CAMK2N2: variants seen among roughly 807,000 people sequenced by gnomAD.
CAMK2N2 encodes the protein calcium/calmodulin-dependent protein kinase II inhibitor 2.
Under a neutral mutation model 7.8 loss-of-function variants are expected in CAMK2N2, and 3 were observed. The ratio of observed to expected loss-of-function variants is 0.38; its 90% CI spans 0.18 to 0.99. The LOEUF is 0.99. Ranked by LOEUF, CAMK2N2 falls within the 50% of genes least tolerant of loss-of-function variation. CAMK2N2 has a pLI of 0.37. For synonymous variants in CAMK2N2, 45 were observed against 46.6 expected (o/e 0.97, Z 0.14); for missense variants, 85 against 108.4 (o/e 0.78, Z 0.96).
chr3:184,260,073 G>A lies in CAMK2N2; in HGVS notation c.*84C>T. ...CCCGCGGGCGCCTGGGCCGGGGCGG[G>A]GGGGCGCCGGCAGCCGCATCGCCGG... On this transcript the variant is annotated 3_prime_UTR_variant, in exon 2 of 2. Transcript: ENST00000296238. This position sits in a 1 kb window ranked among gnomAD's most constrained non-coding sequence, Gnocchi z 6.6. 2.6e-6 allele frequency: 2 copies of A among 774,342 alleles called. No homozygotes were observed. The highest frequency in any genetic ancestry group is 3.1e-6 in the Non-Finnish European group (2 of 638,672). 48.0% of individuals were successfully genotyped at this position (774,342 alleles called of 1,614,324 possible). A position where few individuals can be genotyped will look rare whatever the true frequency, so the allele number is the denominator to read the frequency against.
In CAMK2N2 at chr3:184,259,830, G is replaced by T. The variant is rs1719969688; in HGVS notation, c.*327C>A. Reference sequence around the variant, plus strand: ...CTGGCCGGAGGGGGGCGGGGCAGGGGAGCCGTGCGGGAGGGGGCGGGCCGG... The same window carrying T: ...CTGGCCGGAGGGGGGCGGGGCAGGGTAGCCGTGCGGGAGGGGGCGGGCCGG... On this transcript the variant is annotated 3_prime_UTR_variant, in exon 2 of 2. Transcript: ENST00000296238. The T allele has an allele frequency of 6.8e-6, 1 of 147,656 alleles. No individual in the cohort carries two copies. The highest frequency in any genetic ancestry group is 6.7e-5 in the Admixed American group (1 of 14,990). 9.1% of individuals were successfully genotyped at this position (147,656 alleles called of 1,614,324 possible).
chr3:184,261,042 C>T lies in CAMK2N2; in HGVS notation c.169+75G>A. 1 of 1,447,898 alleles carries T rather than the reference C, an allele frequency of 6.9e-7. No homozygotes were observed. 89.7% of individuals were successfully genotyped at this position (1,447,898 alleles called of 1,614,324 possible). A position where few individuals can be genotyped will look rare whatever the true frequency, so the allele number is the denominator to read the frequency against. On this transcript the variant is annotated intron_variant, in intron 1 of 1. Transcript: ENST00000296238. The surrounding 1 kb of genome is among the most constrained non-coding windows in gnomAD (Gnocchi z 5.1). ...TGCGGCAAGAGCTGCGGGCACTCGG[C>T]GGGGAACGGCAGCCGGGGGGCGCCC...
Position 184,261,430 on chromosome 3 carries a change from G to A in CAMK2N2, c.-145C>T, listed in dbSNP as rs1039176258. ...CATCCGGGGCTGAGGAGCCAAGCGG[G>A]GCCTCCTCCCCCGCGCCTCCGCCTC... is the stretch of plus-strand genomic sequence containing the variant. On this transcript the variant is annotated 5_prime_UTR_variant, in exon 1 of 2. Coordinates refer to ENST00000296238, the MANE Select transcript of CAMK2N2 (RefSeq NM_033259.3). This position sits in a 1 kb window ranked among gnomAD's most constrained non-coding sequence, Gnocchi z 5.1. 12 of 585,612 alleles carry A rather than the reference G, an allele frequency of 2.0e-5. No individual in the cohort carries two copies. Among genetic ancestry groups the A allele is most frequent in the Admixed American group, 9.7e-5 (2 of 20,684 alleles). 36.3% of individuals were successfully genotyped at this position (585,612 alleles called of 1,614,324 possible).
At position 184,260,591 on chromosome 3, in the gene CAMK2N2, C is replaced by T. The variant is rs1720008502; in HGVS notation, c.170-364G>A. Reference sequence around the variant, plus strand: ...CAGATCCCCCTGCTCAAATGGGGCTCAAACCGAGTATCCAGCTGGTCCAGC... The same window carrying T: ...CAGATCCCCCTGCTCAAATGGGGCTTAAACCGAGTATCCAGCTGGTCCAGC... On this transcript the variant is annotated intron_variant, in intron 1 of 1. Transcript: ENST00000296238. The surrounding 1 kb of genome is among the most constrained non-coding windows in gnomAD (Gnocchi z 6.6). Among the ~76,000 whole-genome samples the T allele has an allele frequency of 6.6e-6, 1 of 152,178 alleles. No homozygotes were observed. Among genetic ancestry groups the T allele is most frequent in the Non-Finnish European group, 1.5e-5 (1 of 68,034 alleles).
In CAMK2N2 at chr3:184,260,988, C is replaced by G. The variant is rs964294909; in HGVS notation, c.169+129G>C. The G allele has an allele frequency of 3.0e-6, 3 of 1,007,392 alleles. No homozygotes were observed. The highest frequency in any genetic ancestry group is 1.7e-5 in the African/African-American group (1 of 57,508). The allele number at this position is 1,007,392 out of a possible 1,614,324, so 62.4% of individuals were successfully genotyped here. A position where few individuals can be genotyped will look rare whatever the true frequency, so the allele number is the denominator to read the frequency against. ...GCAGCGGGGACCCCCCCCTCCAGCCCGGGCTGGAGAGCGGCTGGTGCGCTG... is the reference window on the plus strand; with the variant it reads ...GCAGCGGGGACCCCCCCCTCCAGCCGGGGCTGGAGAGCGGCTGGTGCGCTG... On this transcript the variant is annotated intron_variant, in intron 1 of 1. Coordinates refer to ENST00000296238, the MANE Select transcript of CAMK2N2 (RefSeq NM_033259.3). This position sits in a 1 kb window ranked among gnomAD's most constrained non-coding sequence, Gnocchi z 6.6.
At position 184,261,420 on chromosome 3, in the gene CAMK2N2, A is replaced by G. The variant is rs1239353392; in HGVS notation, c.-135T>C. On this transcript the variant is annotated 5_prime_UTR_variant, in exon 1 of 2. Coordinates refer to ENST00000296238, the MANE Select transcript of CAMK2N2 (RefSeq NM_033259.3). This position sits in a 1 kb window ranked among gnomAD's most constrained non-coding sequence, Gnocchi z 5.1. ...AGTCATGCAGCATCCGGGGCTGAGG[A>G]GCCAAGCGGGGCCTCCTCCCCCGCG... is the stretch of plus-strand genomic sequence containing the variant. 5.8e-6 allele frequency: 4 copies of G among 687,778 alleles called. No homozygotes were observed. Among genetic ancestry groups the G allele is most frequent in the Non-Finnish European group, 4.0e-6 (2 of 505,502 alleles). 42.6% of individuals were successfully genotyped at this position (687,778 alleles called of 1,614,324 possible).
rs1247221522 is a variant in CAMK2N2, at chr3:184,261,300, G to A, written c.-15C>T. ...ATCTCGGACATGGCGGGCGCGGGGTGGGCGCGGGGCGGGAGCGGGACTGCG... is the reference window on the plus strand; with the variant it reads ...ATCTCGGACATGGCGGGCGCGGGGTAGGCGCGGGGCGGGAGCGGGACTGCG... On this transcript the variant is annotated 5_prime_UTR_variant, in exon 1 of 2. Coordinates refer to ENST00000296238, the MANE Select transcript of CAMK2N2 (RefSeq NM_033259.3). The surrounding 1 kb of genome is among the most constrained non-coding windows in gnomAD (Gnocchi z 5.1). 1.3e-6 allele frequency: 2 copies of A among 1,498,164 alleles called. No individual in the cohort carries two copies. Among genetic ancestry groups the A allele is most frequent in the South Asian group, 1.3e-5 (1 of 78,654 alleles). The allele number at this position is 1,498,164 out of a possible 1,614,324, so 92.8% of individuals were successfully genotyped here.
Position 184,260,733 on chromosome 3 carries a change from C to T in CAMK2N2, c.169+384G>A, listed in dbSNP as rs1399296164. ...AAGCGGACCCCCGGCCTCCTGCCCTCTCTTGTTAGACGTCCCTCTCGACCC... is the reference window on the plus strand; with the variant it reads ...AAGCGGACCCCCGGCCTCCTGCCCTTTCTTGTTAGACGTCCCTCTCGACCC... On this transcript the variant is annotated intron_variant, in intron 1 of 1. Coordinates refer to ENST00000296238, the MANE Select transcript of CAMK2N2 (RefSeq NM_033259.3). This position sits in a 1 kb window ranked among gnomAD's most constrained non-coding sequence, Gnocchi z 6.6. Among the ~76,000 whole-genome samples the T allele has an allele frequency of 2.6e-5, 4 of 152,264 alleles. No individual in the cohort carries two copies. Among genetic ancestry groups the T allele is most frequent in the African/African-American group, 9.6e-5 (4 of 41,468 alleles).
rs939480307 is a variant in CAMK2N2 at position 184,259,558 on chromosome 3, G to C, written c.*599C>G. ...CTGCCAGGCGCAGAAGAGCGTGGCC[G>C]AGACTGAGGGGAGGGCAGGAACCAT... On this transcript the variant is annotated 3_prime_UTR_variant, in exon 2 of 2. Coordinates refer to ENST00000296238, the MANE Select transcript of CAMK2N2 (RefSeq NM_033259.3). The C allele has an allele frequency of 1.3e-5, 2 of 152,804 alleles. No individual in the cohort carries two copies. The highest frequency in any genetic ancestry group is 4.8e-5 in the African/African-American group (2 of 41,444). The allele number at this position is 152,804 out of a possible 1,614,324, so 9.5% of individuals were successfully genotyped here. A position where few individuals can be genotyped will look rare whatever the true frequency, so the allele number is the denominator to read the frequency against.
Position 184,260,105 on chromosome 3 carries a change from C to G in CAMK2N2, c.*52G>C, listed in dbSNP as rs2108453571. On this transcript the variant is annotated 3_prime_UTR_variant, in exon 2 of 2. Transcript: ENST00000296238. This position sits in a 1 kb window ranked among gnomAD's most constrained non-coding sequence, Gnocchi z 6.6. ...CCGGCAGCCGCATCGCCGGCCCGCG[C>G]TCCTGGCCGCTGCGAGGCTGGGCCC... The G allele has an allele frequency of 8.4e-7, 1 of 1,189,484 alleles. No individual in the cohort carries two copies. The highest frequency in any genetic ancestry group is 1.1e-6 in the Non-Finnish European group (1 of 938,606). 73.7% of individuals were successfully genotyped at this position (1,189,484 alleles called of 1,614,324 possible).
Position 184,261,214 on chromosome 3 carries a change from G to A in CAMK2N2, c.72C>T (p.Leu24=). 1.2e-6 allele frequency: 2 copies of A among 1,608,058 alleles called. No individual in the cohort carries two copies. Among genetic ancestry groups the A allele is most frequent in the Non-Finnish European group, 1.7e-6 (2 of 1,177,876 alleles). The change falls in exon 1 of 2, where the codon CTC becomes CTT. Residue 24 remains leucine (L), a synonymous_variant. Transcript: ENST00000296238. The surrounding 1 kb of genome is among the most constrained non-coding windows in gnomAD (Gnocchi z 5.1). ...RFGADPEGSD[L]SFSCRLQDTN... is the part of the protein sequence containing the mutation. ...TGTCCTGCAGGCGGCAGCTGAAGGAGAGGTCGGAGCCCTCGGGGTCTGCGC... is the reference window on the plus strand; with the variant it reads ...TGTCCTGCAGGCGGCAGCTGAAGGAAAGGTCGGAGCCCTCGGGGTCTGCGC...
chr3:184,260,985 G>C lies in CAMK2N2; in HGVS notation c.169+132C>G. 1.4e-5 allele frequency: 13 copies of C among 902,770 alleles called. No homozygotes were observed. The highest frequency in any genetic ancestry group is 6.8e-5 in the East Asian group (2 of 29,278). The allele number at this position is 902,770 out of a possible 1,614,324, so 55.9% of individuals were successfully genotyped here. A position where few individuals can be genotyped will look rare whatever the true frequency, so the allele number is the denominator to read the frequency against. Reference sequence around the variant, plus strand: ...ACTGCAGCGGGGACCCCCCCCTCCAGCCCGGGCTGGAGAGCGGCTGGTGCG... The same window carrying C: ...ACTGCAGCGGGGACCCCCCCCTCCACCCCGGGCTGGAGAGCGGCTGGTGCG... On this transcript the variant is annotated intron_variant, in intron 1 of 1. Coordinates refer to ENST00000296238, the MANE Select transcript of CAMK2N2 (RefSeq NM_033259.3). This position sits in a 1 kb window ranked among gnomAD's most constrained non-coding sequence, Gnocchi z 6.6.
At position 184,259,787 on chromosome 3, in the gene CAMK2N2, C is replaced by T; in HGVS notation, c.*370G>A. Reference sequence around the variant, plus strand: ...GCGCGCGGTCCGACACCGGCGGCCGCCCGGTCTGCAGACCAGACTGGCCGG... The same window carrying T: ...GCGCGCGGTCCGACACCGGCGGCCGTCCGGTCTGCAGACCAGACTGGCCGG... On this transcript the variant is annotated 3_prime_UTR_variant, in exon 2 of 2. Coordinates refer to ENST00000296238, the MANE Select transcript of CAMK2N2 (RefSeq NM_033259.3). The T allele has an allele frequency of 6.7e-6, 1 of 149,538 alleles. No homozygotes were observed. Among genetic ancestry groups the T allele is most frequent in the Non-Finnish European group, 1.5e-5 (1 of 67,136 alleles). 9.3% of individuals were successfully genotyped at this position (149,538 alleles called of 1,614,324 possible). A position where few individuals can be genotyped will look rare whatever the true frequency, so the allele number is the denominator to read the frequency against.
chr3:184,261,032 G>T lies in CAMK2N2; in HGVS notation c.169+85C>A. On this transcript the variant is annotated intron_variant, in intron 1 of 1. Transcript: ENST00000296238. The surrounding 1 kb of genome is among the most constrained non-coding windows in gnomAD (Gnocchi z 5.1). ...TGCGCTGGTCTGCGGCAAGAGCTGC[G>T]GGCACTCGGCGGGGAACGGCAGCCG... The T allele has an allele frequency of 1.4e-6, 2 of 1,398,022 alleles. No homozygotes were observed. Among genetic ancestry groups the T allele is most frequent in the African/African-American group, 3.0e-5 (2 of 66,494 alleles). 86.6% of individuals were successfully genotyped at this position (1,398,022 alleles called of 1,614,324 possible). A position where few individuals can be genotyped will look rare whatever the true frequency, so the allele number is the denominator to read the frequency against.
chr3:184,260,151 G>A lies in CAMK2N2; in HGVS notation c.*6C>T, dbSNP rs746192755. ...GGCCCGGAGCCCGCCGCCCGAGCCG[G>A]CGCGTCTACACTCCGGACGGCGGCT... On this transcript the variant is annotated 3_prime_UTR_variant, in exon 2 of 2. Coordinates refer to ENST00000296238, the MANE Select transcript of CAMK2N2 (RefSeq NM_033259.3). This position sits in a 1 kb window ranked among gnomAD's most constrained non-coding sequence, Gnocchi z 6.6. 5.2e-6 allele frequency: 8 copies of A among 1,543,324 alleles called. No individual in the cohort carries two copies. In the Admixed American group the frequency reaches 1.4e-4, roughly 28 times the overall value.
rs1158898336 is a variant in CAMK2N2 at position 184,260,619 on chromosome 3, T to G, written c.170-392A>C. 1.3e-5 allele frequency among the ~76,000 whole-genome samples: 2 copies of G among 151,618 alleles called. No homozygotes were observed. The highest frequency in any genetic ancestry group is 2.9e-5 in the Non-Finnish European group (2 of 67,930). On this transcript the variant is annotated intron_variant, in intron 1 of 1. Transcript: ENST00000296238. This position sits in a 1 kb window ranked among gnomAD's most constrained non-coding sequence, Gnocchi z 6.6. Reference sequence around the variant, plus strand: ...ACCGAGTATCCAGCTGGTCCAGCCCTCTCCTCAACCTGAGCCCTCTCGCCG... The same window carrying G: ...ACCGAGTATCCAGCTGGTCCAGCCCGCTCCTCAACCTGAGCCCTCTCGCCG...
chr3:184,261,280 G>A lies in CAMK2N2; in HGVS notation c.6C>T (p.Ser2=), dbSNP rs1720037725. Residue 2 remains serine, a synonymous_variant, in exon 1 of 2, where the codon TCC becomes TCT. Coordinates refer to ENST00000296238, the MANE Select transcript of CAMK2N2 (RefSeq NM_033259.3). This position sits in a 1 kb window ranked among gnomAD's most constrained non-coding sequence, Gnocchi z 5.1. ...TGTCTTCGCTGTAGGGCAGGATCTC[G>A]GACATGGCGGGCGCGGGGTGGGCGC... The part of the protein sequence containing the change: M[S]EILPYSEDKM... The A allele has an allele frequency of 6.5e-7, 1 of 1,549,080 alleles. No individual in the cohort carries two copies. Among genetic ancestry groups the A allele is most frequent in the Non-Finnish European group, 8.7e-7 (1 of 1,154,224 alleles).
At position 184,261,542 on chromosome 3, in the gene CAMK2N2, C is replaced by A; in HGVS notation, c.-257G>T. Reference sequence around the variant, plus strand: ...GGGGCGGGGGTGGCGGCGGCGGCGGCAAGAGCGGAATGACGATGAGCGCCC... The same window carrying A: ...GGGGCGGGGGTGGCGGCGGCGGCGGAAAGAGCGGAATGACGATGAGCGCCC... On this transcript the variant is annotated 5_prime_UTR_variant, in exon 1 of 2. Coordinates refer to ENST00000296238, the MANE Select transcript of CAMK2N2 (RefSeq NM_033259.3). This position sits in a 1 kb window ranked among gnomAD's most constrained non-coding sequence, Gnocchi z 5.1. The A allele has an allele frequency of 6.7e-6, 1 of 149,598 alleles. No individual in the cohort carries two copies. The highest frequency in any genetic ancestry group is 1.5e-5 in the Non-Finnish European group (1 of 67,090). 9.3% of individuals were successfully genotyped at this position (149,598 alleles called of 1,614,324 possible).
rs375980913 is a variant in CAMK2N2 at position 184,260,596 on chromosome 3, C to T, written c.170-369G>A. Among the ~76,000 whole-genome samples the T allele has an allele frequency of 1.3e-5, 2 of 152,164 alleles. No homozygotes were observed. Among genetic ancestry groups the T allele is most frequent in the Non-Finnish European group, 2.9e-5 (2 of 68,026 alleles). On this transcript the variant is annotated intron_variant, in intron 1 of 1. Transcript: ENST00000296238. The surrounding 1 kb of genome is among the most constrained non-coding windows in gnomAD (Gnocchi z 6.6). ...CCCCCTGCTCAAATGGGGCTCAAAC[C>T]GAGTATCCAGCTGGTCCAGCCCTCT... is the stretch of plus-strand genomic sequence containing the variant.
Sources: gnomAD v4.1 joint callset for allele counts (sites outside exome capture counted in the v4.1 genomes callset) on GRCh38, gnomAD v4.1.1 for gene constraint, Gnocchi (gnomAD v3.1) non-coding constraint, MANE v1.5 for transcripts, NCBI Gene and HGNC (gene_info 2026-07-23, HGNC 2026-07-21) for gene names.